DKK2: variants seen among roughly 807,000 people sequenced by gnomAD.
DKK2 encodes the protein dickkopf Wnt signaling pathway inhibitor 2.
A neutral mutation model predicts 28.1 loss-of-function variants in DKK2; 11 were observed. The observed-to-expected ratio is 0.39, with a 90% CI of 0.25 to 0.65. The LOEUF is 0.65. Among genes scored for constraint, DKK2 ranks in the 30% least tolerant of loss-of-function variants. The pLI, the probability that DKK2 is intolerant of heterozygous loss-of-function variation, is 0.47. For missense variants in DKK2, 326 were observed against 335.5 expected (o/e 0.97, Z 0.22); for synonymous variants, 135 against 126.5 (o/e 1.07, Z -0.45).
chr4:106,935,461 T>C (rs1724567898), intron 1 of DKK2, among the ~76,000 whole-genome samples: 2 of 152,102 alleles, frequency 1.3e-5, no homozygotes, highest in African/African-American at 4.8e-5. Flanking sequence ...GCTCGGAGGG[T>C]CCTACACCCA....
At chr4:106,936,966 G>A (rs1724599299) in intron 1 of DKK2, among the ~76,000 whole-genome samples, 2 of 151,920 alleles carry the variant, frequency 1.3e-5, no homozygotes, top group African/African-American at 4.8e-5. Flanking sequence ...CCTGAAGGAA[G>A]CGCTAAACAT....
chr4:106,991,787 C>G (rs1723209023), intron 1 of DKK2, among the ~76,000 whole-genome samples: 1 of 152,092 alleles, frequency 6.6e-6, no homozygotes, highest in Admixed American at 6.5e-5. Context: ...CTCTATTTTT[C>G]CAAACCTCAT....
intron 1 of DKK2, among the ~76,000 whole-genome samples, chr4:106,938,250 G>A (rs1195313804): frequency 9.2e-4 from 139 of 151,222 alleles, no homozygotes; most frequent in African/African-American, 3.3e-3. Flanking sequence ...AAAGAGAGAA[G>A]AATCAAATAG....
Position 106,925,950 on chromosome 4 carries a change from C to A in DKK2, c.223-1G>T. The stretch of plus-strand genomic sequence containing the variant: ...CCTTATCACTGCTACAAGGGTAGGC[C>A]TGTCATCAAGTGGAACAACACCAGA... On this transcript the variant is annotated splice_acceptor_variant, in intron 1 of 3. Transcript: ENST00000285311. LOFTEE classifies it high-confidence loss of function. 2 of 1,599,402 alleles carry A rather than the reference C, an allele frequency of 1.3e-6. No homozygotes were observed. The highest frequency in any genetic ancestry group is 1.7e-6 in the Non-Finnish European group (2 of 1,174,690).
At chr4:106,984,988 T>A (rs1296784981) in intron 1 of DKK2, among the ~76,000 whole-genome samples, 1 of 152,048 alleles carries the variant, frequency 6.6e-6, no homozygotes, top group Non-Finnish European at 1.5e-5. Context: ...AGCGGGCAGA[T>A]CACGAGGTCA....
intron 1 of DKK2, among the ~76,000 whole-genome samples, chr4:107,023,381 C>A (rs1331815291): frequency 1.3e-5 from 2 of 151,738 alleles, no homozygotes; most frequent in African/African-American, 4.8e-5. Flanking sequence ...TGAAAGAAGC[C>A]AATCTGAAAT....
chr4:106,978,354 C>T (rs1430095886), intron 1 of DKK2, among the ~76,000 whole-genome samples: 2 of 152,188 alleles, frequency 1.3e-5, no homozygotes, highest in Non-Finnish European at 2.9e-5. Context: ...ACCCCTTCCC[C>T]CAGGTGCTCT....
Position 106,923,916 on chromosome 4 carries a change from C to T in DKK2, c.*38G>A. 1 of 1,607,222 alleles carries T rather than the reference C, an allele frequency of 6.2e-7. No individual in the cohort carries two copies. Among genetic ancestry groups the T allele is most frequent in the Non-Finnish European group, 8.5e-7 (1 of 1,174,554 alleles). ...ATGCTATAATGCATTAAATACACAA[C>T]TTCACAGTCTGCAATTGATGATGTT... On this transcript the variant is annotated 3_prime_UTR_variant, in exon 4 of 4. Transcript: ENST00000285311.
chr4:107,021,699 A>G (rs552006957), intron 1 of DKK2, among the ~76,000 whole-genome samples: 1 of 152,240 alleles, frequency 6.6e-6, no homozygotes, highest in Admixed American at 6.5e-5. Flanking sequence ...AAGTGATTTG[A>G]AAATTACAAA....
intron 1 of DKK2, among the ~76,000 whole-genome samples, chr4:107,004,644 C>T (rs189564021): frequency 1.6e-4 from 24 of 152,234 alleles, no homozygotes; most frequent in African/African-American, 5.1e-4. Context: ...AATAGTCCCC[C>T]GAAGATATCT....
intron 1 of DKK2, among the ~76,000 whole-genome samples, chr4:106,962,352 G>T (rs1400457713): frequency 6.6e-6 from 1 of 151,998 alleles, no homozygotes; most frequent in Non-Finnish European, 1.5e-5. Context: ...AAGCAATCCT[G>T]AGCACATAGA....
chr4:107,011,216 T>C (rs1305201007), intron 1 of DKK2, among the ~76,000 whole-genome samples: 2 of 151,592 alleles, frequency 1.3e-5, no homozygotes, highest in African/African-American at 2.4e-5. Context: ...TGAAACCATA[T>C]TGATGAACAT....
chr4:106,977,661 T>C (rs1457151759), intron 1 of DKK2, among the ~76,000 whole-genome samples: 1 of 152,180 alleles, frequency 6.6e-6, no homozygotes, highest in Non-Finnish European at 1.5e-5. Flanking sequence ...AGTTCTTAGC[T>C]TCCTTGCATT....
At chr4:106,939,641 G>T (rs896429616) in intron 1 of DKK2, among the ~76,000 whole-genome samples, 11 of 152,106 alleles carry the variant, frequency 7.2e-5, no homozygotes, top group African/African-American at 2.2e-4. Context: ...AAAAGAGCCC[G>T]CATCGCCAAG....
chr4:106,996,906 C>G (rs977137638), intron 1 of DKK2, among the ~76,000 whole-genome samples: 6 of 152,064 alleles, frequency 3.9e-5, no homozygotes, highest in Admixed American at 2.6e-4. Flanking sequence ...ATCAACAAGC[C>G]TCAGTGACAT....
At chr4:106,985,634 C>A (rs1723105550) in intron 1 of DKK2, among the ~76,000 whole-genome samples, 1 of 151,360 alleles carries the variant, frequency 6.6e-6, no homozygotes, top group African/African-American at 2.4e-5. Flanking sequence ...CATGGTGAGA[C>A]CTCGTTTCTA....
intron 1 of DKK2, among the ~76,000 whole-genome samples, chr4:106,997,450 G>A (rs1463944006): frequency 6.6e-6 from 1 of 152,090 alleles, no homozygotes; most frequent in East Asian, 1.9e-4. Flanking sequence ...GTGCATGCAT[G>A]TAATGCAATA....
At chr4:106,939,259 C>A (rs1240477838) in intron 1 of DKK2, among the ~76,000 whole-genome samples, 2 of 152,282 alleles carry the variant, frequency 1.3e-5, no homozygotes, top group Non-Finnish European at 2.9e-5. Flanking sequence ...GCAACTTCAG[C>A]AAAGTCTCGG....
chr4:106,969,896 G>A (rs1352704240), intron 1 of DKK2, among the ~76,000 whole-genome samples: 1 of 151,924 alleles, frequency 6.6e-6, no homozygotes. Context: ...CTACTCCAGG[G>A]GCATAAGACC....
Sources: gnomAD v4.1 joint callset for allele counts (sites outside exome capture counted in the v4.1 genomes callset) on GRCh38, gnomAD v4.1.1 for gene constraint, MANE v1.5 for transcripts, NCBI Gene and HGNC (gene_info 2026-07-23, HGNC 2026-07-21) for gene names.